CELF2: variants seen among roughly 807,000 people sequenced by gnomAD.
CELF2 encodes the protein CUGBP Elav-like family member 2.
In CELF2, 8 loss-of-function variants were observed where a neutral mutation model predicts 62.6. The observed-to-expected ratio is 0.13, with a 90% confidence interval of 0.07 to 0.23. The LOEUF is 0.23. Ranked by LOEUF, CELF2 falls within the 10% of genes least tolerant of loss-of-function variation. The pLI, the probability that CELF2 is intolerant of heterozygous loss-of-function variation, is 1.00. For synonymous variants in CELF2, 258 were observed against 250.0 expected (o/e 1.03, Z -0.30); for missense variants, 333 against 671.0 (o/e 0.50, Z 5.56).
intron 1 of CELF2, among the ~76,000 whole-genome samples, chr10:11,108,662 C>T (rs920153848): frequency 6.6e-6 from 1 of 152,294 alleles, no homozygotes; most frequent in Admixed American, 6.5e-5. Flanking sequence ...TGACTGGACC[C>T]ATTCATACTC....
At chr10:11,122,730 A>T (rs2131526495) in intron 1 of CELF2, among the ~76,000 whole-genome samples, 1 of 152,370 alleles carries the variant, frequency 6.6e-6, no homozygotes, top group South Asian at 2.1e-4. Flanking sequence ...TTAAAGTTTT[A>T]TTGATGCATA....
the CELF2 span, among the ~76,000 whole-genome samples, chr10:10,686,002 C>T: frequency 0.01 from 1,562 of 152,208 alleles, 24 homozygotes; most frequent in African/African-American, 0.036. Context: ...TGATCTTTCA[C>T]TGAGGATGAT....
chr10:10,759,296 CTTTTTTTT>C, the CELF2 span, among the ~76,000 whole-genome samples: 36 of 120,874 alleles, frequency 3.0e-4, no homozygotes, highest in East Asian at 2.8e-3. Context: ...GCCCATTTTT[CTTTTTTTT>C]TTTTTTTTTT....
At chr10:10,527,796 G>A in the CELF2 span, among the ~76,000 whole-genome samples, 1 of 152,210 alleles carries the variant, frequency 6.6e-6, no homozygotes, top group Non-Finnish European at 1.5e-5. Flanking sequence ...TGGAAGAAAA[G>A]CACATACACA....
At chr10:11,047,478 C>T (rs904287169) in intron 1 of CELF2, among the ~76,000 whole-genome samples, 8 of 152,038 alleles carry the variant, frequency 5.3e-5, no homozygotes, top group Non-Finnish European at 8.8e-5. Context: ...TGGAAGAGAG[C>T]GATTTCTAGA....
At chr10:10,558,467 G>A in the CELF2 span, among the ~76,000 whole-genome samples, 3 of 152,196 alleles carry the variant, frequency 2.0e-5, no homozygotes, top group East Asian at 3.9e-4. Flanking sequence ...TTGCATCAAT[G>A]TTCATCAAGG....
In CELF2 at chr10:10,938,092, G is replaced by C. The variant is rs2046622670; in HGVS notation, c.89+18093G>C. On this transcript the variant is annotated intron_variant, in intron 2 of 13. Coordinates refer to the CELF2 transcript ENST00000636488. This position sits in a 1 kb window ranked among gnomAD's most constrained non-coding sequence, Gnocchi z 4.2. ...AGAAATCTAATTTGGAATAACTCAA[G>C]AGAGATAGAGGGGAGATGGGTAATA... Among the ~76,000 whole-genome samples the C allele has an allele frequency of 6.6e-6, 1 of 152,192 alleles. No individual in the cohort carries two copies. Among genetic ancestry groups the C allele is most frequent in the Non-Finnish European group, 1.5e-5 (1 of 68,030 alleles).
At chr10:10,718,508 C>G in the CELF2 span, among the ~76,000 whole-genome samples, 2 of 151,730 alleles carry the variant, frequency 1.3e-5, no homozygotes, top group Non-Finnish European at 2.9e-5. Flanking sequence ...CCTGTGATTC[C>G]AGCTACTTGG....
the CELF2 span, among the ~76,000 whole-genome samples, chr10:10,626,862 A>C: frequency 6.6e-6 from 1 of 152,238 alleles, no homozygotes; most frequent in East Asian, 1.9e-4. Flanking sequence ...GCACCTTAGC[A>C]ACACTGACAA....
chr10:11,184,442 A>T (rs757181631), intron 2 of CELF2, among the ~76,000 whole-genome samples: 21 of 152,202 alleles, frequency 1.4e-4, no homozygotes, highest in Non-Finnish European at 2.5e-4. Flanking sequence ...ATAAAGTCCT[A>T]CTACAGTTTC....
At chr10:10,822,373 AT>A (rs2057039330) in intron 1 of CELF2, among the ~76,000 whole-genome samples, 1 of 152,358 alleles carries the variant, frequency 6.6e-6, no homozygotes, top group South Asian at 2.1e-4. Flanking sequence ...AAAGGAAGAG[AT>A]TTCCTTGCCT....
At chr10:10,684,106 C>T in the CELF2 span, among the ~76,000 whole-genome samples, 4 of 152,166 alleles carry the variant, frequency 2.6e-5, no homozygotes, top group Non-Finnish European at 5.9e-5. Flanking sequence ...CACAGGGATT[C>T]CTACCTCGGG....
chr10:10,805,262 C>G (rs914667999), intron 1 of CELF2, among the ~76,000 whole-genome samples: 28 of 152,252 alleles, frequency 1.8e-4, no homozygotes, highest in African/African-American at 6.5e-4. Context: ...TATTGCTAAC[C>G]CTGAGCTAGA....
intron 8 of CELF2, among the ~76,000 whole-genome samples, chr10:11,287,405 T>C (rs190433036): frequency 1.3e-5 from 2 of 152,212 alleles, no homozygotes; most frequent in African/African-American, 4.8e-5. Context: ...ATAGTTAAAC[T>C]AACTATCCGG....
the CELF2 span, among the ~76,000 whole-genome samples, chr10:10,639,308 A>G: frequency 6.6e-6 from 1 of 152,212 alleles, no homozygotes; most frequent in African/African-American, 2.4e-5. Flanking sequence ...TTATTTTCCA[A>G]TCTGGATTAT....
rs2072168585 is a variant in CELF2, at chr10:11,237,951, T to C, written c.355-11202T>C. ...CTAATAGAATCTAGGATTGGAAATG[T>C]AAATGAGCCACCAGGTAATTAAACC... On this transcript the variant is annotated intron_variant, in intron 3 of 12. Transcript: ENST00000633077. The surrounding 1 kb of genome is among the most constrained non-coding windows in gnomAD (Gnocchi z 4.0). 6.6e-6 allele frequency among the ~76,000 whole-genome samples: 1 copy of C among 152,250 alleles called. No homozygotes were observed. Among genetic ancestry groups the C allele is most frequent in the Admixed American group, 6.5e-5 (1 of 15,292 alleles).
the CELF2 span, among the ~76,000 whole-genome samples, chr10:10,490,788 A>G: frequency 1.3e-5 from 2 of 152,152 alleles, no homozygotes; most frequent in Non-Finnish European, 2.9e-5. Context: ...TTCTTCCCAC[A>G]TGAATACCAA....
intron 1 of CELF2, among the ~76,000 whole-genome samples, chr10:11,104,059 A>G (rs1422413109): frequency 6.6e-6 from 1 of 152,170 alleles, no homozygotes; most frequent in African/African-American, 2.4e-5. Flanking sequence ...TTTTGCTCTT[A>G]GTATTTGGTC....
intron 1 of CELF2, among the ~76,000 whole-genome samples, chr10:11,148,843 AACACACACACAC>A (rs58567770): frequency 0.16 from 23,779 of 146,852 alleles, 3,153 homozygotes; most frequent in East Asian, 0.69. Context: ...TCTTAAACCA[AACACACACACAC>A]ACACACACAC....
Sources: allele counts gnomAD v4.1 joint callset (sites outside exome capture counted in the v4.1 genomes callset), GRCh38; gene constraint gnomAD v4.1.1; non-coding constraint Gnocchi (gnomAD v3.1); transcripts MANE v1.5; gene names NCBI Gene and HGNC (gene_info 2026-07-23, HGNC 2026-07-21).